GRIK5: variants seen among roughly 807,000 people sequenced by gnomAD.
GRIK5 encodes the protein glutamate receptor ionotropic, kainate 5.
Under a neutral mutation model 97.4 loss-of-function variants are expected in GRIK5, and 43 were observed. The ratio of observed to expected loss-of-function variants is 0.44; its 90% CI spans 0.35 to 0.57. The LOEUF is 0.57. Ranked by LOEUF, GRIK5 falls within the 20% of genes least tolerant of loss-of-function variation. GRIK5 has a pLI of 0.01. For missense variants in GRIK5, 1,015 were observed against 1,382.0 expected, an observed-to-expected ratio of 0.73 and a Z score of 4.21; for synonymous variants, 580 against 583.5, an observed-to-expected ratio of 0.99 and a Z score of 0.09.
intron 12 of GRIK5, among the ~76,000 whole-genome samples, chr19:42,034,518 T>C (rs1331023170): frequency 2.0e-5 from 3 of 152,122 alleles, no homozygotes; most frequent in Non-Finnish European, 2.9e-5. Flanking sequence ...TCTTTATACA[T>C]ATGGGCTCTC....
In GRIK5 at chr19:42,003,272, C is replaced by T; in HGVS notation, c.2514+60G>A. 2 of 1,525,774 alleles carry T rather than the reference C, an allele frequency of 1.3e-6. No homozygotes were observed. Among genetic ancestry groups the T allele is most frequent in the Non-Finnish European group, 1.8e-6 (2 of 1,113,028 alleles). The allele number at this position is 1,525,774 out of a possible 1,614,324, so 94.5% of individuals were successfully genotyped here. On this transcript the variant is annotated intron_variant, in intron 19 of 19. Transcript: ENST00000593562. This position sits in a 1 kb window ranked among gnomAD's most constrained non-coding sequence, Gnocchi z 4.2. ...GTATGGCTCCCAATGCCACAATCTT[C>T]ACGCACCTCAGCCCCTGGGGGTCCC...
At chr19:42,017,563 G>C (rs1319578677) in intron 15 of GRIK5, among the ~76,000 whole-genome samples, 1 of 152,230 alleles carries the variant, frequency 6.6e-6, no homozygotes, top group African/African-American at 2.4e-5. Context: ...CATTTGAGGG[G>C]TGGCAAAGGC....
intron 15 of GRIK5, among the ~76,000 whole-genome samples, chr19:42,009,912 C>T (rs982932243): frequency 1.4e-5 from 2 of 147,752 alleles, no homozygotes; most frequent in Admixed American, 6.8e-5. Context: ...ACTAAAAATA[C>T]AAAATTAGCC....
intron 17 of GRIK5, among the ~76,000 whole-genome samples, chr19:42,005,136 T>C (rs2075469804): frequency 6.7e-6 from 1 of 150,090 alleles, no homozygotes; most frequent in Non-Finnish European, 1.5e-5. Flanking sequence ...GTTCCACCAC[T>C]GAGTCCTGGA....
chr19:42,003,741 C>A lies in GRIK5; in HGVS notation c.2264-58G>T. The A allele has an allele frequency of 1.3e-6, 2 of 1,507,870 alleles. No homozygotes were observed. Among genetic ancestry groups the A allele is most frequent in the East Asian group, 2.3e-5 (1 of 43,234 alleles). 93.4% of individuals were successfully genotyped at this position (1,507,870 alleles called of 1,614,324 possible). A position where few individuals can be genotyped will look rare whatever the true frequency, so the allele number is the denominator to read the frequency against. Reference sequence around the variant, plus strand: ...TCGGGCCCTGCAGCCCTGACCGCCCCAAACCCCAAACTGTGCCCTCACCAC... The same window carrying A: ...TCGGGCCCTGCAGCCCTGACCGCCCAAAACCCCAAACTGTGCCCTCACCAC... On this transcript the variant is annotated intron_variant, in intron 17 of 19. Transcript: ENST00000593562. The surrounding 1 kb of genome is among the most constrained non-coding windows in gnomAD (Gnocchi z 4.2).
chr19:42,047,548 T>C lies in GRIK5; in HGVS notation c.1270-4793A>G, dbSNP rs2076058302. 2.0e-5 allele frequency among the ~76,000 whole-genome samples: 3 copies of C among 151,924 alleles called. 1 individual carries two copies. The South Asian group carries it at 6.2e-4, about 32-fold the overall frequency. On this transcript the variant is annotated intron_variant, in intron 11 of 19. Coordinates refer to ENST00000593562, the MANE Select transcript of GRIK5 (RefSeq NM_002088.5). Reference sequence around the variant, plus strand: ...AGAACAAAGACAGACAAACAGACAATAGAATGGAGTGTTTGGAAACCCACA... The same window carrying C: ...AGAACAAAGACAGACAAACAGACAACAGAATGGAGTGTTTGGAAACCCACA...
chr19:42,005,271 T>A (rs1269234566), intron 17 of GRIK5, among the ~76,000 whole-genome samples: 6 of 146,156 alleles, frequency 4.1e-5, no homozygotes, highest in African/African-American at 1.3e-4. Context: ...AACACCAAAC[T>A]TGTCCTGAAA....
Position 42,065,528 on chromosome 19 carries a change from T to C in GRIK5, c.80-141A>G. ...ACCTGGATCTGAGGTTGGTGGGAGCTAGGGGTCTGGACTCCTGGGTCCTGG... is the reference window on the plus strand; with the variant it reads ...ACCTGGATCTGAGGTTGGTGGGAGCCAGGGGTCTGGACTCCTGGGTCCTGG... On this transcript the variant is annotated intron_variant, in intron 2 of 19. Transcript: ENST00000593562. This position sits in a 1 kb window ranked among gnomAD's most constrained non-coding sequence, Gnocchi z 5.8. 9.9e-7 allele frequency: 1 copy of C among 1,006,934 alleles called. No homozygotes were observed. 62.4% of individuals were successfully genotyped at this position (1,006,934 alleles called of 1,614,324 possible).
At chr19:42,061,955 G>A (rs2076265447) in intron 5 of GRIK5, among the ~76,000 whole-genome samples, 1 of 152,192 alleles carries the variant, frequency 6.6e-6, no homozygotes, top group Non-Finnish European at 1.5e-5. Flanking sequence ...GGGAGTATCT[G>A]CAAGCCTCTT....
chr19:42,038,801 C>T (rs532367828), intron 12 of GRIK5, among the ~76,000 whole-genome samples: 5 of 152,334 alleles, frequency 3.3e-5, no homozygotes, highest in Admixed American at 1.3e-4. Context: ...CAACAAATGA[C>T]AGCTGCTGCT....
chr19:42,000,894 T>C (rs782274122), intron 19 of GRIK5, among the ~76,000 whole-genome samples: 1 of 152,222 alleles, frequency 6.6e-6, no homozygotes, highest in Non-Finnish European at 1.5e-5. Context: ...GTATTCATCA[T>C]GTTTTTTATT....
chr19:42,067,789 G>A (rs1011831340), intron 1 of GRIK5, among the ~76,000 whole-genome samples: 4 of 152,162 alleles, frequency 2.6e-5, no homozygotes, highest in African/African-American at 7.2e-5. Context: ...GAGAGCAAGA[G>A]ACAGACACAG....
intron 1 of GRIK5, among the ~76,000 whole-genome samples, chr19:42,067,701 C>T (rs1433308917): frequency 6.6e-6 from 1 of 152,112 alleles, no homozygotes; most frequent in Non-Finnish European, 1.5e-5. Flanking sequence ...CAGAGAAAGA[C>T]AGGGTTGAGG....
chr19:42,009,551 T>G (rs1327410390), intron 15 of GRIK5, among the ~76,000 whole-genome samples: 1 of 151,634 alleles, frequency 6.6e-6, no homozygotes, highest in Non-Finnish European at 1.5e-5. Context: ...GAGGATAACC[T>G]GAGTTCAGGA....
intron 17 of GRIK5, among the ~76,000 whole-genome samples, chr19:42,004,031 G>A (rs149890756): frequency 9.9e-5 from 15 of 152,270 alleles, no homozygotes; most frequent in African/African-American, 3.6e-4. Context: ...ACACAGTCCT[G>A]TCTTAGGACC....
intron 12 of GRIK5, among the ~76,000 whole-genome samples, chr19:42,026,251 G>A (rs896701433): frequency 6.6e-6 from 1 of 151,948 alleles, no homozygotes; most frequent in Admixed American, 6.6e-5. Flanking sequence ...GCCTCCCAAA[G>A]TGCTTGGATT....
chr19:42,049,157 A>G (rs1412511969), intron 11 of GRIK5, among the ~76,000 whole-genome samples: 1 of 152,152 alleles, frequency 6.6e-6, no homozygotes, highest in African/African-American at 2.4e-5. Flanking sequence ...ACCTTTATAC[A>G]CTCACCACTG....
chr19:42,024,272 G>A (rs1287353975), intron 12 of GRIK5, among the ~76,000 whole-genome samples: 2 of 150,920 alleles, frequency 1.3e-5, no homozygotes, highest in Admixed American at 6.6e-5. Flanking sequence ...GAGTGCACTG[G>A]TGCAATCTCA....
intron 6 of GRIK5, 65 bp from the exon 7 acceptor site, chr19:42,057,043 G>A (rs1399658257): frequency 2.2e-5 from 27 of 1,215,802 alleles, no homozygotes; most frequent in Non-Finnish European, 3.2e-5. Flanking sequence ...AGATGGGGAG[G>A]ACTCAAGAGA....
Sources: allele counts gnomAD v4.1 joint callset (sites outside exome capture counted in the v4.1 genomes callset), GRCh38; gene constraint gnomAD v4.1.1; non-coding constraint Gnocchi (gnomAD v3.1); transcripts MANE v1.5; gene names NCBI Gene and HGNC (gene_info 2026-07-23, HGNC 2026-07-21).